MBNL2: variants seen among roughly 807,000 people sequenced by gnomAD.
MBNL2 encodes the protein muscleblind-like protein 2.
Under a neutral mutation model 41.9 loss-of-function variants are expected in MBNL2, and 17 were observed. The observed-to-expected ratio is 0.41, with a 90% confidence interval of 0.28 to 0.61. The LOEUF (loss-of-function observed/expected upper bound fraction) is 0.61, where lower values mean the gene tolerates loss of function less well. Among genes scored for constraint, MBNL2 ranks in the 20% least tolerant of loss-of-function variants. MBNL2 has a pLI of 0.35. For synonymous variants in MBNL2, 195 were observed against 182.9 expected (o/e 1.07, Z -0.53); for missense variants, 336 against 505.6 (o/e 0.66, Z 3.22).
chr13:97,144,756 C>T, the MBNL2 span, among the ~76,000 whole-genome samples: 3 of 152,140 alleles, frequency 2.0e-5, no homozygotes, highest in Non-Finnish European at 4.4e-5. Flanking sequence ...TATAATTACT[C>T]TTGGTGCAGC....
chr13:97,256,168 A>G (rs16953952), intron 1 of MBNL2, among the ~76,000 whole-genome samples: 4,249 of 152,336 alleles, frequency 0.028, 82 homozygotes, highest in Middle Eastern at 0.044. Context: ...CATCAGTTCA[A>G]TTAAAAAGGA....
intron 1 of MBNL2, among the ~76,000 whole-genome samples, chr13:97,251,774 T>TACTGAAGA (rs2046559114): frequency 6.6e-6 from 1 of 151,910 alleles, no homozygotes; most frequent in African/African-American, 2.4e-5. Flanking sequence ...AAACAATACT[T>TACTGAAGA]ACTGAAGAAT....
intron 2 of MBNL2, among the ~76,000 whole-genome samples, chr13:97,308,943 G>A (rs1271312590): frequency 2.6e-5 from 4 of 152,116 alleles, no homozygotes; most frequent in Non-Finnish European, 5.9e-5. Flanking sequence ...GTTTCTGAGC[G>A]GGACTGAGGA....
At chr13:97,327,357 C>A (rs1032691157) in intron 2 of MBNL2, among the ~76,000 whole-genome samples, 2 of 151,910 alleles carry the variant, frequency 1.3e-5, no homozygotes, top group Non-Finnish European at 2.9e-5. Context: ...ACTGTTGTTT[C>A]ATGTGGCTTT....
the MBNL2 span, among the ~76,000 whole-genome samples, chr13:97,172,288 G>T: frequency 7.9e-5 from 12 of 152,134 alleles, no homozygotes; most frequent in Non-Finnish European, 1.8e-4. Context: ...CTAGCCCTGG[G>T]CACATTCCTA....
chr13:97,341,381 C>T lies in MBNL2; in HGVS notation c.340-1635C>T, dbSNP rs536641235. ...TTAAAAATCCTAACATTACATAGTCCGTAAACCATTTAAATCACTTGGCTT... is the reference window on the plus strand; with the variant it reads ...TTAAAAATCCTAACATTACATAGTCTGTAAACCATTTAAATCACTTGGCTT... On this transcript the variant is annotated intron_variant, in intron 3 of 8. Coordinates refer to ENST00000679496, the MANE Select transcript of MBNL2 (RefSeq NM_001382683.1). 5.3e-5 allele frequency among the ~76,000 whole-genome samples: 8 copies of T among 152,224 alleles called. No individual in the cohort carries two copies. The South Asian group carries it at 1.0e-3, about 20-fold the overall frequency.
chr13:97,279,618 A>G (rs1379907795), intron 2 of MBNL2, among the ~76,000 whole-genome samples: 1 of 152,260 alleles, frequency 6.6e-6, no homozygotes, highest in Admixed American at 6.5e-5. Context: ...TTTGGGGGAC[A>G]CAATATTTTT....
chr13:97,216,389 T>C, the MBNL2 span, among the ~76,000 whole-genome samples: 1 of 151,672 alleles, frequency 6.6e-6, no homozygotes, highest in Non-Finnish European at 1.5e-5. Flanking sequence ...GGTTTATACA[T>C]GAAATAACTA....
chr13:97,357,175 T>G (rs560593660), intron 6 of MBNL2, among the ~76,000 whole-genome samples: 18 of 152,212 alleles, frequency 1.2e-4, no homozygotes, highest in Non-Finnish European at 2.4e-4. Flanking sequence ...ACACCAATGC[T>G]TCGTCCCCCC....
chr13:97,146,261 A>G, the MBNL2 span, among the ~76,000 whole-genome samples: 1 of 151,766 alleles, frequency 6.6e-6, no homozygotes, highest in African/African-American at 2.4e-5. Context: ...TCGGCCTCCC[A>G]AAGTGCTGGC....
At chr13:97,148,437 G>A in the MBNL2 span, among the ~76,000 whole-genome samples, 5 of 152,020 alleles carry the variant, frequency 3.3e-5, 1 homozygote, top group Admixed American at 2.0e-4. Context: ...CCAAGAGTTA[G>A]CCTTTATGTA....
the MBNL2 span, among the ~76,000 whole-genome samples, chr13:97,144,420 CTTCTTTTTTTT>C: frequency 2.3e-5 from 2 of 87,606 alleles, no homozygotes; most frequent in Non-Finnish European, 4.2e-5. Context: ...AGACATGATA[CTTCTTTTTTTT>C]TTTTTTTTTT....
intron 2 of MBNL2, among the ~76,000 whole-genome samples, chr13:97,295,105 A>C (rs939999639): frequency 3.3e-5 from 5 of 152,236 alleles, no homozygotes; most frequent in Non-Finnish European, 7.3e-5. Flanking sequence ...CGGAGAAGAC[A>C]TGATAGCCCT....
At chr13:97,184,245 A>G in the MBNL2 span, among the ~76,000 whole-genome samples, 5 of 152,238 alleles carry the variant, frequency 3.3e-5, no homozygotes, top group Admixed American at 1.3e-4. Context: ...TGTGCATGCA[A>G]TATAGTCTAG....
rs1333096373 is a variant in MBNL2, at chr13:97,268,688, C to CA, written c.-604-6943dup. 1.3e-5 allele frequency among the ~76,000 whole-genome samples: 2 copies of CA among 152,324 alleles called. No individual in the cohort carries two copies. Among genetic ancestry groups the CA allele is most frequent in the East Asian group, 3.9e-4 (2 of 5,188 alleles). ...ATTCCTTGGAGGAGGATCAGGAGCT[C>CA]ATTCAACAAACATTTGTCCAGTATA... On this transcript the variant is annotated intron_variant, in intron 1 of 8. Transcript: ENST00000679496. This position sits in a 1 kb window ranked among gnomAD's most constrained non-coding sequence, Gnocchi z 4.6.
At chr13:97,348,128 G>A (rs1235867875) in intron 5 of MBNL2, among the ~76,000 whole-genome samples, 2 of 145,820 alleles carry the variant, frequency 1.4e-5, no homozygotes, top group African/African-American at 5.0e-5. Flanking sequence ...AGGCTGGAGT[G>A]CAGTGGAATG....
chr13:97,165,354 A>AT, the MBNL2 span, among the ~76,000 whole-genome samples: 4 of 152,210 alleles, frequency 2.6e-5, no homozygotes, highest in African/African-American at 9.7e-5. Context: ...TTGCTATTAC[A>AT]TTTCATCTCT....
At chr13:97,288,157 AAAAT>A (rs979090273) in intron 2 of MBNL2, among the ~76,000 whole-genome samples, 2 of 151,186 alleles carry the variant, frequency 1.3e-5, no homozygotes, top group African/African-American at 2.4e-5. Flanking sequence ...GCAAAAAGAA[AAAAT>A]AAACGGGCAA....
chr13:97,355,085 C>G (rs2062870246), intron 5 of MBNL2, among the ~76,000 whole-genome samples: 1 of 152,160 alleles, frequency 6.6e-6, no homozygotes, highest in South Asian at 2.1e-4. Flanking sequence ...TACATGATGT[C>G]AAAGTTACAT....
Sources: allele counts gnomAD v4.1 joint callset (sites outside exome capture counted in the v4.1 genomes callset), GRCh38; gene constraint gnomAD v4.1.1; non-coding constraint Gnocchi (gnomAD v3.1); transcripts MANE v1.5; gene names NCBI Gene and HGNC (gene_info 2026-07-23, HGNC 2026-07-21).